Variants in TDP1 observed in about 807,000 individuals in gnomAD.
TDP1 encodes tyrosyl-DNA phosphodiesterase 1.
A neutral mutation model predicts 81.5 loss-of-function variants in TDP1; 64 were observed. That is an observed-to-expected ratio of 0.79 (90% CI 0.64 to 0.97). The LOEUF (loss-of-function observed/expected upper bound fraction) is 0.97. Among genes scored for constraint, TDP1 ranks in the 50% least tolerant of loss-of-function variants. The pLI is 0.00. For synonymous variants in TDP1, 256 were observed against 264.3 expected, an observed-to-expected ratio of 0.97 and a Z score of 0.30; for missense variants, 723 against 743.8, an observed-to-expected ratio of 0.97 and a Z score of 0.33.
At chr14:90,015,228 G>A (rs1177616216) in intron 14 of TDP1, among the ~76,000 whole-genome samples, 1 of 152,188 alleles carries the variant, frequency 6.6e-6, no homozygotes, top group Non-Finnish European at 1.5e-5. Context: ...TCAGGGTCCA[G>A]GGCTCTTTTC....
intron 11 of TDP1, chr14:89,989,293 CTAAGAGCTTGCCGA>C (rs1374161934): frequency 2.0e-6 from 2 of 984,750 alleles, no homozygotes; most frequent in African/African-American, 3.5e-5. Context: ...ATATCCAGTG[CTAAGAGCTTGCCGA>C]TTCGTTCAGG....
At chr14:90,012,848 C>A (rs996538904) in intron 14 of TDP1, among the ~76,000 whole-genome samples, 1 of 152,180 alleles carries the variant, frequency 6.6e-6, no homozygotes, top group Admixed American at 6.5e-5. Context: ...GGGGGCTATG[C>A]CCTGCAAAGC....
intron 5 of TDP1, among the ~76,000 whole-genome samples, chr14:89,968,099 T>C (rs923377680): frequency 2.0e-5 from 3 of 151,742 alleles, no homozygotes; most frequent in Admixed American, 6.6e-5. Context: ...TGTGGAAACC[T>C]TTGACATTAA....
intron 15 of TDP1, chr14:90,032,800 G>C (rs1467495951): frequency 2.0e-6 from 2 of 984,788 alleles, no homozygotes; most frequent in East Asian, 2.3e-4. Context: ...TGTACATAAT[G>C]TTGGGTTGAA....
intron 2 of TDP1, chr14:89,962,753 T>C (rs1892475252): frequency 5.2e-6 from 1 of 192,868 alleles, no homozygotes. Flanking sequence ...GCACCTGTAG[T>C]TCCAGCTATT....
At chr14:90,025,646 A>G (rs1886562868) in intron 15 of TDP1, among the ~76,000 whole-genome samples, 1 of 152,236 alleles carries the variant, frequency 6.6e-6, no homozygotes, top group South Asian at 2.1e-4. Context: ...AAATCAATTT[A>G]TCAATTATGT....
At chr14:90,020,534 T>C (rs374512538) in intron 15 of TDP1, among the ~76,000 whole-genome samples, 4 of 21,334 alleles carry the variant, frequency 1.9e-4, no homozygotes, top group African/African-American at 2.9e-4. Context: ...CCTCCCTTCC[T>C]TCCCTCCCTC....
intron 15 of TDP1, 141 bp downstream of exon 15, chr14:90,019,559 G>C: frequency 1.4e-6 from 1 of 690,070 alleles, no homozygotes; most frequent in Admixed American, 2.0e-5. Context: ...ACTCTTAACC[G>C]CTGGTCTGTA....
chr14:89,986,682 G>A (rs1895601379), intron 10 of TDP1, among the ~76,000 whole-genome samples: 1 of 152,230 alleles, frequency 6.6e-6, no homozygotes, highest in South Asian at 2.1e-4. Flanking sequence ...GTCCAGGATA[G>A]GGTGGCCCTT....
chr14:89,995,105 A>C (rs890611588), intron 14 of TDP1, among the ~76,000 whole-genome samples: 4 of 152,252 alleles, frequency 2.6e-5, no homozygotes, highest in Non-Finnish European at 4.4e-5. Context: ...TAAGAATTTG[A>C]AATTTGTCAT....
intron 14 of TDP1, among the ~76,000 whole-genome samples, chr14:89,995,922 C>G (rs1271040619): frequency 6.6e-6 from 1 of 152,178 alleles, no homozygotes; most frequent in African/African-American, 2.4e-5. Context: ...CTTTTAGATG[C>G]TCACAGTCTC....
At chr14:90,025,601 A>C (rs1027051969) in intron 15 of TDP1, among the ~76,000 whole-genome samples, 5 of 152,170 alleles carry the variant, frequency 3.3e-5, no homozygotes, top group Non-Finnish European at 7.4e-5. Context: ...AAAGTTTGTT[A>C]ATTTAAATCA....
chr14:90,003,856 A>G (rs141255933), intron 14 of TDP1, among the ~76,000 whole-genome samples: 2 of 152,176 alleles, frequency 1.3e-5, no homozygotes, highest in African/African-American at 2.4e-5. Context: ...GCTTTTCAAT[A>G]TTACTATGCA....
At chr14:89,994,275 G>A (rs983652996) in intron 14 of TDP1, among the ~76,000 whole-genome samples, 6 of 152,200 alleles carry the variant, frequency 3.9e-5, no homozygotes, top group African/African-American at 9.7e-5. Context: ...TCTTCTTGGC[G>A]AGAGAGAAAG....
intron 8 of TDP1, chr14:89,982,979 T>C: frequency 2.7e-6 from 1 of 374,882 alleles, no homozygotes; most frequent in Non-Finnish European, 5.2e-6. Flanking sequence ...AAGAGTTGCA[T>C]CCAAAGCTCA....
intron 15 of TDP1, among the ~76,000 whole-genome samples, chr14:90,025,710 G>A (rs575825644): frequency 2.0e-5 from 3 of 152,312 alleles, no homozygotes; most frequent in Non-Finnish European, 4.4e-5. Flanking sequence ...TTAGACTACG[G>A]TTCAGAAAGT....
intron 6 of TDP1, chr14:89,975,267 G>A (rs1029367998): frequency 6.9e-5 from 17 of 247,178 alleles, no homozygotes; most frequent in African/African-American, 2.9e-4. Context: ...TAGTAGAAAC[G>A]GGGTTCCACT....
chr14:89,964,766 A>G (rs1478121563), intron 3 of TDP1: 3 of 367,300 alleles, frequency 8.2e-6, no homozygotes, highest in Non-Finnish European at 1.6e-5. Flanking sequence ...TTTGCTCTAT[A>G]TAATAAAATA....
intron 3 of TDP1, among the ~76,000 whole-genome samples, chr14:89,965,100 GC>G (rs1284914135): frequency 6.6e-6 from 1 of 152,148 alleles, no homozygotes; most frequent in Non-Finnish European, 1.5e-5. Flanking sequence ...GCTGGTGGGG[GC>G]AAATGGAAGA....
Sources: allele counts gnomAD v4.1 joint callset (sites outside exome capture counted in the v4.1 genomes callset), GRCh38; gene constraint gnomAD v4.1.1; transcripts MANE v1.5; gene names NCBI Gene and HGNC (gene_info 2026-07-23, HGNC 2026-07-21).